Variants in PLD5 observed in about 807,000 individuals in gnomAD.
The protein encoded by PLD5 is phospholipase D family member 5, also known as inactive phospholipase D5.
Under a neutral mutation model 61.1 loss-of-function variants are expected in PLD5, and 36 were observed. The ratio of observed to expected loss-of-function variants is 0.59; its 90% CI spans 0.45 to 0.78. The LOEUF (loss-of-function observed/expected upper bound fraction) is 0.78, where lower values mean the gene tolerates loss of function less well. Ranked by LOEUF, PLD5 falls within the 30% of genes least tolerant of loss-of-function variation. The pLI is 0.00. For synonymous variants in PLD5, 243 were observed against 242.8 expected (o/e 1.00, Z -0.01); for missense variants, 515 against 644.4 (o/e 0.80, Z 2.17).
intron 2 of PLD5, among the ~76,000 whole-genome samples, chr1:242,309,531 G>A (rs573602674): frequency 6.6e-6 from 1 of 151,782 alleles, no homozygotes; most frequent in African/African-American, 2.4e-5. Context: ...ATGCCATCAC[G>A]CCCAGCTAAT....
intron 5 of PLD5, among the ~76,000 whole-genome samples, chr1:242,158,448 C>A (rs987850952): frequency 6.6e-6 from 1 of 152,104 alleles, no homozygotes; most frequent in South Asian, 2.1e-4. Flanking sequence ...GGGGTAGGCA[C>A]CAGAGGGAAT....
At chr1:242,430,636 A>C (rs1665666717) in intron 1 of PLD5, among the ~76,000 whole-genome samples, 1 of 152,058 alleles carries the variant, frequency 6.6e-6, no homozygotes, top group African/African-American at 2.4e-5. Context: ...TATGTTGGCT[A>C]TCTGTCCCTT....
At chr1:242,104,425 C>A (rs1255132614) in intron 8 of PLD5, among the ~76,000 whole-genome samples, 1 of 151,842 alleles carries the variant, frequency 6.6e-6, no homozygotes, top group Non-Finnish European at 1.5e-5. Flanking sequence ...TGAGCCACTG[C>A]ACCTTGGTGT....
chr1:242,367,264 G>C (rs1049236546), intron 1 of PLD5, among the ~76,000 whole-genome samples: 1 of 152,124 alleles, frequency 6.6e-6, no homozygotes. Context: ...AAGGAGATAA[G>C]AGTCCTCAGA....
chr1:242,423,530 A>C (rs1399355752), intron 1 of PLD5, among the ~76,000 whole-genome samples: 5 of 152,150 alleles, frequency 3.3e-5, no homozygotes, highest in African/African-American at 2.4e-5. Flanking sequence ...CGGTTTCTTC[A>C]TCTATAAAAT....
intron 1 of PLD5, chr1:242,365,835 T>A (rs940576221): frequency 1.3e-5 from 2 of 155,696 alleles, no homozygotes; most frequent in African/African-American, 4.8e-5. Context: ...TAAGACACAT[T>A]CGAATAAATT....
chr1:242,211,529 C>T (rs1186306350), intron 5 of PLD5, among the ~76,000 whole-genome samples: 6 of 152,172 alleles, frequency 3.9e-5, no homozygotes, highest in Non-Finnish European at 8.8e-5. Context: ...TAAATACAAG[C>T]ATTGCCAGCT....
At chr1:242,394,532 A>T (rs1435730119) in intron 1 of PLD5, among the ~76,000 whole-genome samples, 1 of 41,262 alleles carries the variant, frequency 2.4e-5, no homozygotes, top group Non-Finnish European at 4.1e-5. Flanking sequence ...ATGTGTATAT[A>T]TGTGAACATA....
intron 4 of PLD5, among the ~76,000 whole-genome samples, chr1:242,232,617 C>A (rs1671379750): frequency 6.6e-6 from 1 of 151,936 alleles, no homozygotes; most frequent in Admixed American, 6.6e-5. Context: ...CTCAGATGGG[C>A]AGATCACTTG....
At chr1:242,351,759 C>A (rs1036285590) in intron 1 of PLD5, among the ~76,000 whole-genome samples, 1 of 152,188 alleles carries the variant, frequency 6.6e-6, no homozygotes, top group Non-Finnish European at 1.5e-5. Context: ...TTTCTGAAAA[C>A]TGGCTTGATT....
intron 1 of PLD5, among the ~76,000 whole-genome samples, chr1:242,500,752 T>G (rs7514508): frequency 0.013 from 1,908 of 151,996 alleles, 42 homozygotes; most frequent in African/African-American, 0.044. Context: ...GGAGACAGGA[T>G]GTAGTCCGTA....
chr1:242,163,282 T>C lies in PLD5; in HGVS notation c.736-38617A>G, dbSNP rs554812165. On this transcript the variant is annotated intron_variant, in intron 5 of 9. Transcript: ENST00000536534. ...CCTCAGCCTCCCGAGTAGCTGGGAC[T>C]ACAGGCGCCCGCCACCACGCCCGGC... Among the ~76,000 whole-genome samples, 189 of 152,088 alleles carry C rather than the reference T, an allele frequency of 1.2e-3. 2 individuals are homozygous for C. The highest frequency in any genetic ancestry group is 4.0e-3 in the African/African-American group (167 of 41,444).
In PLD5 at chr1:242,524,413, C is replaced by G; in HGVS notation, c.-137G>C. The G allele has an allele frequency of 1.1e-6, 1 of 870,528 alleles. No individual in the cohort carries two copies. The allele number at this position is 870,528 out of a possible 1,614,324, so 53.9% of individuals were successfully genotyped here. A position where few individuals can be genotyped will look rare whatever the true frequency, so the allele number is the denominator to read the frequency against. On this transcript the variant is annotated 5_prime_UTR_variant, in exon 1 of 10. Transcript: ENST00000536534. ...GACTGAGCTGGAGGAGCTGGAGGAG[C>G]GAGCGGGCGCGGGGAGCGCGGGGTG...
chr1:242,404,944 A>G (rs112589619), intron 1 of PLD5, among the ~76,000 whole-genome samples: 1,639 of 129,380 alleles, frequency 0.013, 40 homozygotes, highest in African/African-American at 0.046. Flanking sequence ...CAGTGGCGTG[A>G]TCTTGGCTCA....
chr1:242,490,598 T>C (rs1463770429), intron 1 of PLD5, among the ~76,000 whole-genome samples: 2 of 152,222 alleles, frequency 1.3e-5, no homozygotes, highest in African/African-American at 4.8e-5. Flanking sequence ...TCATTTATTA[T>C]ATAAACTTGA....
At chr1:242,505,460 C>T (rs973444621) in intron 1 of PLD5, among the ~76,000 whole-genome samples, 1 of 152,124 alleles carries the variant, frequency 6.6e-6, no homozygotes, top group Non-Finnish European at 1.5e-5. Flanking sequence ...TAGCCAAGTT[C>T]TGGAATCAAC....
At chr1:242,373,975 A>AAC (rs968558120) in intron 1 of PLD5, among the ~76,000 whole-genome samples, 2 of 151,366 alleles carry the variant, frequency 1.3e-5, no homozygotes, top group Non-Finnish European at 2.9e-5. Context: ...AATAAAAACA[A>AAC]AAAAAAAGAA....
At chr1:242,269,393 G>C (rs999649948) in intron 3 of PLD5, among the ~76,000 whole-genome samples, 4 of 151,434 alleles carry the variant, frequency 2.6e-5, no homozygotes, top group African/African-American at 9.7e-5. Flanking sequence ...TAGAGATCCA[G>C]CTCAGCCCCT....
At chr1:242,402,546 T>C (rs933563893) in intron 1 of PLD5, among the ~76,000 whole-genome samples, 3 of 152,222 alleles carry the variant, frequency 2.0e-5, no homozygotes, top group South Asian at 2.1e-4. Flanking sequence ...AGAAGCTTAA[T>C]AGGGTTAGCT....
Sources: allele counts gnomAD v4.1 joint callset (sites outside exome capture counted in the v4.1 genomes callset), GRCh38; gene constraint gnomAD v4.1.1; transcripts MANE v1.5; gene names NCBI Gene and HGNC (gene_info 2026-07-23, HGNC 2026-07-21).